The following RIMS1 variants were observed in gnomAD, a reference collection of about 807,000 sequenced individuals.
The protein encoded by RIMS1 is regulating synaptic membrane exocytosis protein 1.
Under a neutral mutation model 214.1 loss-of-function variants are expected in RIMS1, and 83 were observed. The observed-to-expected ratio is 0.39, with a 90% CI of 0.32 to 0.47. The LOEUF (loss-of-function observed/expected upper bound fraction) is 0.47. Ranked by LOEUF, RIMS1 falls within the 20% of genes least tolerant of loss-of-function variation. RIMS1 has a pLI of 0.99. For missense variants in RIMS1, 2,050 were observed against 2,161.8 expected (o/e 0.95, Z 1.03); for synonymous variants, 793 against 786.8 (o/e 1.01, Z -0.13).
At chr6:72,023,700 G>A (rs1435629149) in intron 2 of RIMS1, among the ~76,000 whole-genome samples, 6 of 151,934 alleles carry the variant, frequency 3.9e-5, no homozygotes, top group Non-Finnish European at 8.8e-5. Flanking sequence ...AGACAGAATT[G>A]TTACATAGTA....
At chr6:72,237,465 G>C (rs576552548) in intron 8 of RIMS1, among the ~76,000 whole-genome samples, 1 of 151,882 alleles carries the variant, frequency 6.6e-6, no homozygotes, top group Non-Finnish European at 1.5e-5. Flanking sequence ...GCTTGAGCCC[G>C]GGAGTTCAAG....
chr6:72,018,687 G>T (rs779634432), intron 2 of RIMS1, among the ~76,000 whole-genome samples: 2 of 152,132 alleles, frequency 1.3e-5, no homozygotes, highest in Non-Finnish European at 2.9e-5. Context: ...TTAGAGGCTG[G>T]AGAGAAAAAC....
intron 24 of RIMS1, among the ~76,000 whole-genome samples, chr6:72,286,292 A>C (rs2092290731): frequency 6.6e-6 from 1 of 152,186 alleles, no homozygotes; most frequent in Non-Finnish European, 1.5e-5. Flanking sequence ...ATAAGATACT[A>C]TTTTAGAAAA....
intron 9 of RIMS1, among the ~76,000 whole-genome samples, chr6:72,241,160 CCTA>C (rs548788978): frequency 2.3e-4 from 35 of 152,210 alleles, no homozygotes; most frequent in Non-Finnish European, 4.3e-4. Context: ...AAGCAATTTT[CCTA>C]CTTTTATTTA....
At chr6:71,992,362 T>C (rs1801837959) in intron 2 of RIMS1, among the ~76,000 whole-genome samples, 1 of 152,038 alleles carries the variant, frequency 6.6e-6, no homozygotes, top group Non-Finnish European at 1.5e-5. Context: ...TTTAATCTTT[T>C]TTCCTTTTTC....
intron 4 of RIMS1, among the ~76,000 whole-genome samples, chr6:72,177,991 A>T (rs2047940310): frequency 6.6e-6 from 1 of 152,208 alleles, no homozygotes; most frequent in African/African-American, 2.4e-5. Flanking sequence ...ATATAGGTTT[A>T]TGCAATGAAT....
rs1163121138 is a variant in RIMS1 at position 72,159,983 on chromosome 6, C to T, written c.472-19592C>T. On this transcript the variant is annotated intron_variant, in intron 4 of 33. Coordinates refer to ENST00000521978, the MANE Select transcript of RIMS1 (RefSeq NM_014989.7). ...TGAATCTATAAATTACCTTGGGCAG[C>T]AAGGCCATTTTCACGATATTGATTC... Among the ~76,000 whole-genome samples, 5 of 136,964 alleles carry T rather than the reference C, an allele frequency of 3.7e-5. 1 individual carries two copies. Among genetic ancestry groups the T allele is most frequent in the South Asian group, 2.5e-4 (1 of 4,000 alleles). 89.9% of individuals were successfully genotyped at this position (136,964 alleles called of 152,430 possible).
intron 4 of RIMS1, among the ~76,000 whole-genome samples, chr6:72,137,028 G>T (rs895493891): frequency 6.6e-6 from 1 of 151,880 alleles, no homozygotes; most frequent in Non-Finnish European, 1.5e-5. Flanking sequence ...AAAATAACTA[G>T]AATAAAAGTG....
At chr6:72,067,605 G>T (rs1829625496) in intron 2 of RIMS1, among the ~76,000 whole-genome samples, 2 of 152,038 alleles carry the variant, frequency 1.3e-5, no homozygotes, top group South Asian at 2.1e-4. Flanking sequence ...GTCTTTATTT[G>T]TTTATGTGCT....
At chr6:72,010,399 A>G (rs1809967957) in intron 2 of RIMS1, among the ~76,000 whole-genome samples, 1 of 152,220 alleles carries the variant, frequency 6.6e-6, no homozygotes, top group Non-Finnish European at 1.5e-5. Flanking sequence ...AACTGGAAGC[A>G]TTCCCTTTGA....
At chr6:72,013,721 T>G (rs1811690513) in intron 2 of RIMS1, among the ~76,000 whole-genome samples, 1 of 152,180 alleles carries the variant, frequency 6.6e-6, no homozygotes, top group African/African-American at 2.4e-5. Flanking sequence ...AATAACATCT[T>G]TACTGATATA....
intron 4 of RIMS1, among the ~76,000 whole-genome samples, chr6:72,170,147 C>T (rs1188666099): frequency 6.6e-6 from 1 of 152,148 alleles, no homozygotes; most frequent in Non-Finnish European, 1.5e-5. Flanking sequence ...TTTTTACAGC[C>T]TGAGATGCTT....
chr6:72,278,473 A>C (rs2087990549), intron 23 of RIMS1, among the ~76,000 whole-genome samples: 1 of 152,106 alleles, frequency 6.6e-6, no homozygotes, highest in Non-Finnish European at 1.5e-5. Flanking sequence ...AAAATGAATT[A>C]ATCTTATTTC....
chr6:72,114,459 C>G (rs930798357), intron 4 of RIMS1, among the ~76,000 whole-genome samples: 1 of 151,834 alleles, frequency 6.6e-6, no homozygotes, highest in African/African-American at 2.4e-5. Context: ...AAAATAAGAT[C>G]ATTTGATTAA....
chr6:72,364,682 G>A (rs370869149), intron 29 of RIMS1, among the ~76,000 whole-genome samples: 32 of 152,244 alleles, frequency 2.1e-4, no homozygotes, highest in East Asian at 9.6e-4. Context: ...GTTGATCCCC[G>A]GGAAGCACGA....
chr6:72,312,811 G>A (rs2095578711), intron 27 of RIMS1, among the ~76,000 whole-genome samples: 1 of 152,072 alleles, frequency 6.6e-6, no homozygotes, highest in Non-Finnish European at 1.5e-5. Context: ...TAATGTCTTA[G>A]AAAGTATTTA....
rs773709493 is a variant in RIMS1 at position 72,158,898 on chromosome 6, T to C, written c.472-20677T>C. 1.4e-4 allele frequency among the ~76,000 whole-genome samples: 19 copies of C among 140,502 alleles called. 4 individuals carry two copies. The highest frequency in any genetic ancestry group is 2.4e-4 in the Non-Finnish European group (15 of 61,870). The allele number at this position is 140,502 out of a possible 152,430, so 92.2% of individuals were successfully genotyped here. On this transcript the variant is annotated intron_variant, in intron 4 of 33. Transcript: ENST00000521978. ...TGCATGTGTCTTTATAGCAGCATGA[T>C]TTATAATCCTTTGGGTATAAATGGG...
intron 2 of RIMS1, among the ~76,000 whole-genome samples, chr6:72,062,475 C>T (rs1234263450): frequency 6.6e-6 from 1 of 152,036 alleles, no homozygotes; most frequent in African/African-American, 2.4e-5. Flanking sequence ...CAGCAGAAAC[C>T]CCGTTTTTTC....
At chr6:71,991,515 A>G (rs976171812) in intron 2 of RIMS1, among the ~76,000 whole-genome samples, 1 of 152,206 alleles carries the variant, frequency 6.6e-6, no homozygotes, top group Non-Finnish European at 1.5e-5. Context: ...GAACACAAGC[A>G]CATGCTGTAT....
Sources: allele counts gnomAD v4.1 joint callset (sites outside exome capture counted in the v4.1 genomes callset), GRCh38; gene constraint gnomAD v4.1.1; transcripts MANE v1.5; gene names NCBI Gene and HGNC (gene_info 2026-07-23, HGNC 2026-07-21).